NLRP7: variants seen among roughly 807,000 people sequenced by gnomAD.
NLRP7 encodes the protein NLR family pyrin domain containing 7.
NLRP7 carries 72 observed loss-of-function variants against 85.5 expected under a neutral mutation model. The observed-to-expected ratio is 0.84, with a 90% CI of 0.70 to 1.02. The LOEUF (loss-of-function observed/expected upper bound fraction) is 1.02, where lower values mean the gene tolerates loss of function less well. Among genes scored for constraint, NLRP7 ranks in the 50% least tolerant of loss-of-function variants. The probability of loss-of-function intolerance (pLI) is 0.00; values close to 1 mark genes in which losing one functional copy is unlikely to be tolerated. For synonymous variants in NLRP7, 550 were observed against 505.2 expected (o/e 1.09, Z -1.19); for missense variants, 1,243 against 1,219.5 (o/e 1.02, Z -0.29).
At chr19:54,964,516 A>G (rs1321497823) in intron 1 of NLRP7, among the ~76,000 whole-genome samples, 3 of 150,838 alleles carry the variant, frequency 2.0e-5, no homozygotes, top group East Asian at 2.0e-4. Context: ...GTGCCCGGCT[A>G]TATGTTTACA....
upstream of NLRP7, among the ~76,000 whole-genome samples, chr19:54,951,944 C>T (rs1412816133): frequency 6.6e-6 from 1 of 151,724 alleles, no homozygotes; most frequent in East Asian, 2.0e-4. Flanking sequence ...AGTAGAGACG[C>T]GGTTTCACCA....
At chr19:54,964,247 T>C (rs535515239) in intron 1 of NLRP7, among the ~76,000 whole-genome samples, 8 of 107,606 alleles carry the variant, frequency 7.4e-5, no homozygotes, top group East Asian at 3.3e-4. Flanking sequence ...GATGGAGCCT[T>C]GCTCTGTCGC....
chr19:54,940,574 C>G, intron 3 of NLRP7, 108 bp from the exon 4 acceptor site: 1 of 1,357,130 alleles, frequency 7.4e-7, no homozygotes, highest in Non-Finnish European at 1.0e-6. Flanking sequence ...TGCTTGTAAT[C>G]CCGGCACTTT....
Position 54,936,527 on chromosome 19 carries a change from A to T in NLRP7, c.2130-96T>A, listed in dbSNP as rs575231322. Reference sequence around the variant, plus strand: ...AAAAGCTGTTTCACATTTAGAAATTATTAGAAGTTCTTGGCCGGGTGCAGT... The same window carrying T: ...AAAAGCTGTTTCACATTTAGAAATTTTTAGAAGTTCTTGGCCGGGTGCAGT... On this transcript the variant is annotated intron_variant, in intron 5 of 9. Coordinates refer to ENST00000340844, the Ensembl canonical transcript of NLRP7. 16 of 1,127,936 alleles carry T rather than the reference A, an allele frequency of 1.4e-5. No individual in the cohort carries two copies. In the African/African-American group the frequency reaches 2.4e-4, roughly 17 times the overall value. The allele number at this position is 1,127,936 out of a possible 1,614,324, so 69.9% of individuals were successfully genotyped here.
At position 54,934,006 on chromosome 19, in the gene NLRP7, G is replaced by A. The variant is rs533897818; in HGVS notation, c.2472-267C>T. ...CGCCCAGGCTGGAGTGCAGTGGCGC[G>A]ATCTCGGTTCACTGCCAATCGCCGC... On this transcript the variant is annotated intron_variant, in intron 7 of 9. Transcript: ENST00000340844. This position sits in a 1 kb window ranked among gnomAD's most constrained non-coding sequence, Gnocchi z 6.7. 5.6e-4 allele frequency among the ~76,000 whole-genome samples: 85 copies of A among 152,294 alleles called. No individual in the cohort carries two copies. Among genetic ancestry groups the A allele is most frequent in the African/African-American group, 1.8e-3 (74 of 41,582 alleles).
chr19:54,941,009 T>C lies in NLRP7; in HGVS notation c.278-4A>G. 6.3e-7 allele frequency: 1 copy of C among 1,592,740 alleles called. No homozygotes were observed. Among genetic ancestry groups the C allele is most frequent in the Non-Finnish European group, 8.6e-7 (1 of 1,160,692 alleles). ...ATTTCTTGCACCTGTCCGTCCTCTG[T>C]AAAATACTTAGATGTAAGCCTGACA... On this transcript the variant is annotated splice_polypyrimidine_tract_variant and splice_region_variant and intron_variant, in intron 2 of 9. Transcript: ENST00000340844.
At chr19:54,935,355 G>A (rs1480950131) in intron 6 of NLRP7, among the ~76,000 whole-genome samples, 2 of 152,130 alleles carry the variant, frequency 1.3e-5, no homozygotes, top group Admixed American at 6.6e-5. Flanking sequence ...AGCATCCACT[G>A]TAGCTGGGAC....
exon 4 of NLRP7, chr19:54,939,489 C>G: frequency 6.2e-7 from 1 of 1,613,376 alleles, no homozygotes; most frequent in Non-Finnish European, 8.5e-7. Flanking sequence ...AGACGGAGGT[C>G]GGACTCCTGC....
intron 9 of NLRP7, among the ~76,000 whole-genome samples, chr19:54,929,371 GA>G (rs2068576383): frequency 6.7e-6 from 1 of 149,514 alleles, no homozygotes; most frequent in Admixed American, 6.8e-5. Flanking sequence ...TCTGAAAAAA[GA>G]AAAAAAGTAC....
exon 6 of NLRP7, chr19:54,936,418 T>C: frequency 1.9e-6 from 3 of 1,613,914 alleles, no homozygotes; most frequent in Non-Finnish European, 2.5e-6. Context: ...GTGTCAGGGG[T>C]GACGTTTTTA....
chr19:54,956,755 G>T (rs1195844144), intron 1 of NLRP7, among the ~76,000 whole-genome samples: 1 of 150,998 alleles, frequency 6.6e-6, no homozygotes, highest in East Asian at 2.0e-4. Context: ...TTGGGAGGCC[G>T]AGGCAGGTGG....
At chr19:54,947,915 G>A (rs190156819), upstream of NLRP7, 311 of 276,736 alleles carry the variant, frequency 1.1e-3, 1 homozygote, top group Non-Finnish European at 1.4e-3. Context: ...AAAAACTCCC[G>A]TGACTTCCTA....
chr19:54,924,741 G>C (rs751485395), intron 9 of NLRP7, among the ~76,000 whole-genome samples: 13 of 152,166 alleles, frequency 8.5e-5, no homozygotes, highest in African/African-American at 3.1e-4. Flanking sequence ...TTCGAGACCA[G>C]CCTGGCCAAC....
chr19:54,963,174 T>C (rs972952874), intron 1 of NLRP7, among the ~76,000 whole-genome samples: 2 of 151,850 alleles, frequency 1.3e-5, no homozygotes. Context: ...GGTGGGAAGA[T>C]TGCTTAAGCC....
chr19:54,936,399 C>T (rs200042989), exon 6 of NLRP7: 23 of 1,613,956 alleles, frequency 1.4e-5, no homozygotes, highest in Admixed American at 3.3e-5. Context: ...ACAGAAGTCC[C>T]GGTACGCGGT....
chr19:54,950,032 A>G (rs11665684), upstream of NLRP7, among the ~76,000 whole-genome samples: 11,912 of 151,802 alleles, frequency 0.078, 568 homozygotes, highest in African/African-American at 0.13. Context: ...AACGCAGGAG[A>G]CAGAGGCTGC....
At position 54,939,637 on chromosome 19, in the gene NLRP7, G is replaced by A. The variant is rs745659650; in HGVS notation, c.1182C>T (p.Phe394=). The A allele has an allele frequency of 2.2e-5, 35 of 1,611,162 alleles. No individual in the cohort carries two copies. The African/African-American group carries it at 4.3e-4, about 20-fold the overall frequency. ...GGAACCGGCTGCAGAGGAAACGCAG[G>A]AACAGCCCCGTGCGGGTGAGGCAGG... The change falls in exon 4 of 10, where the codon TTC becomes TTT. Residue 394 remains phenylalanine (F), a synonymous_variant. Transcript: ENST00000340844.
rs1482841415 is a variant in NLRP7 at position 54,939,448 on chromosome 19, G to A, written c.1371C>T (p.Asp457=). The A allele has an allele frequency of 2.5e-6, 4 of 1,613,946 alleles. No homozygotes were observed. In the East Asian group the frequency reaches 8.9e-5, roughly 36 times the overall value. Residue 457 remains aspartate (D), a synonymous_variant, in exon 4 of 10, where the codon GAC becomes GAT. Transcript: ENST00000340844. Reference sequence around the variant, plus strand: ...AGGAGTAGCAGCCTTTGGAGACTCTGTCCTGGCGGAGGATGTCTCCGTCCA... The same window carrying A: ...AGGAGTAGCAGCCTTTGGAGACTCTATCCTGGCGGAGGATGTCTCCGTCCA...
intron 5 of NLRP7, among the ~76,000 whole-genome samples, chr19:54,936,694 C>T (rs974771895): frequency 1.1e-4 from 17 of 151,942 alleles, no homozygotes; most frequent in Non-Finnish European, 2.2e-4. Flanking sequence ...GCAGGCAGAT[C>T]GCCTGAGGTC....
Sources: allele counts gnomAD v4.1 joint callset (sites outside exome capture counted in the v4.1 genomes callset), GRCh38; gene constraint gnomAD v4.1.1; non-coding constraint Gnocchi (gnomAD v3.1); transcripts MANE v1.5; gene names NCBI Gene and HGNC (gene_info 2026-07-23, HGNC 2026-07-21).